POU6F2: variants seen among roughly 807,000 people sequenced by gnomAD.
POU6F2 encodes POU domain, class 6, transcription factor 2.
Under a neutral mutation model 71.3 loss-of-function variants are expected in POU6F2, and 31 were observed. The ratio of observed to expected loss-of-function variants is 0.43; its 90% confidence interval spans 0.33 to 0.59. POU6F2 has a LOEUF of 0.59. POU6F2 is among the 20% of genes least tolerant of loss of function. The pLI is 0.04. For synonymous variants in POU6F2, 347 were observed against 355.7 expected (o/e 0.98, Z 0.27); for missense variants, 783 against 856.8 (o/e 0.91, Z 1.07).
intron 1 of POU6F2, among the ~76,000 whole-genome samples, chr7:39,012,229 A>G (rs1789314660): frequency 1.3e-5 from 2 of 151,916 alleles, no homozygotes; most frequent in African/African-American, 4.8e-5. Context: ...ATTTCTTTTT[A>G]TTCTTTTTTC....
At chr7:39,367,740 A>G (rs533408368) in intron 5 of POU6F2, among the ~76,000 whole-genome samples, 4 of 152,232 alleles carry the variant, frequency 2.6e-5, no homozygotes, top group Non-Finnish European at 5.9e-5. Flanking sequence ...TGCATCTAGC[A>G]TGTCTATCGG....
At chr7:39,305,947 T>C (rs1366438173) in intron 4 of POU6F2, among the ~76,000 whole-genome samples, 4 of 152,216 alleles carry the variant, frequency 2.6e-5, no homozygotes, top group Admixed American at 2.6e-4. Context: ...CTCTGAAATA[T>C]GACTCAATTT....
chr7:39,353,482 T>C (rs185116909), intron 5 of POU6F2, among the ~76,000 whole-genome samples: 1 of 152,364 alleles, frequency 6.6e-6, no homozygotes, highest in East Asian at 1.9e-4. Flanking sequence ...GCTTAATATA[T>C]ACGTATGCAT....
intron 2 of POU6F2, among the ~76,000 whole-genome samples, chr7:39,166,469 T>A (rs1014455514): frequency 2.6e-5 from 4 of 152,162 alleles, no homozygotes; most frequent in Non-Finnish European, 5.9e-5. Flanking sequence ...GAAGTAATGT[T>A]CTCTAAGACA....
At chr7:39,081,738 A>G (rs1584532916) in intron 1 of POU6F2, among the ~76,000 whole-genome samples, 2 of 152,272 alleles carry the variant, frequency 1.3e-5, no homozygotes, top group South Asian at 2.1e-4. Flanking sequence ...AATACTACAC[A>G]CAGTATGTCT....
At chr7:39,213,284 C>G (rs1392679642) in intron 4 of POU6F2, among the ~76,000 whole-genome samples, 1 of 152,158 alleles carries the variant, frequency 6.6e-6, no homozygotes. Flanking sequence ...AAACCTGCCC[C>G]GGTTTTCTCT....
At chr7:39,343,675 G>A (rs2329389) in intron 5 of POU6F2, among the ~76,000 whole-genome samples, 85,685 of 151,852 alleles carry the variant, frequency 0.56, 24,354 homozygotes, top group East Asian at 0.74. Flanking sequence ...GAGGGTAACC[G>A]GAGGGCTTGA....
chr7:38,978,519 A>G (rs1201986610), intron 1 of POU6F2, among the ~76,000 whole-genome samples: 2 of 152,120 alleles, frequency 1.3e-5, no homozygotes, highest in East Asian at 3.9e-4. Flanking sequence ...CATATGGGAA[A>G]TATAAATATA....
chr7:39,086,483 C>T (rs1043234630), intron 2 of POU6F2, among the ~76,000 whole-genome samples: 7 of 152,018 alleles, frequency 4.6e-5, no homozygotes, highest in Non-Finnish European at 8.8e-5. Context: ...CAATACAAGT[C>T]GTGCTATGCC....
At position 39,464,509 on chromosome 7, in the gene POU6F2, T is replaced by C; in HGVS notation, c.1986T>C (p.Ser662=). The stretch of plus-strand genomic sequence containing the variant: ...ACTTTGAGAAGAACACACACCCTTC[T>C]GGGCAGGAAATGACCGAAATTGCTG... ...NAHFEKNTHP[S]GQEMTEIAEK... Residue 662 remains serine, a synonymous_variant, in exon 10 of 10, where the codon TCT becomes TCC. Coordinates refer to ENST00000518318, the MANE Select transcript of POU6F2 (RefSeq NM_001370959.1). This position sits in a 1 kb window ranked among gnomAD's most constrained non-coding sequence, Gnocchi z 4.1. 6.2e-7 allele frequency: 1 copy of C among 1,613,658 alleles called. No individual in the cohort carries two copies. The highest frequency in any genetic ancestry group is 2.2e-5 in the East Asian group (1 of 44,848).
At position 39,433,021 on chromosome 7, in the gene POU6F2, T is replaced by C. The variant is rs1788144726; in HGVS notation, c.1114-56T>C. 5.1e-6 allele frequency: 8 copies of C among 1,564,414 alleles called. No individual in the cohort carries two copies. The Admixed American group carries it at 1.0e-4, about 20-fold the overall frequency. ...AGACCAGGCACTGCATGGTCTTCAGTTGCATGCACAGACCCTTCACCGAGC... is the reference window on the plus strand; with the variant it reads ...AGACCAGGCACTGCATGGTCTTCAGCTGCATGCACAGACCCTTCACCGAGC... On this transcript the variant is annotated intron_variant, in intron 6 of 9. Transcript: ENST00000518318.
intron 4 of POU6F2, among the ~76,000 whole-genome samples, chr7:39,310,248 A>T (rs769097054): frequency 2.0e-5 from 3 of 152,160 alleles, no homozygotes; most frequent in Non-Finnish European, 4.4e-5. Flanking sequence ...TGAATCTAAT[A>T]TTTTTTTGAA....
At chr7:39,332,897 G>A (rs958423113) in intron 4 of POU6F2, among the ~76,000 whole-genome samples, 5 of 152,084 alleles carry the variant, frequency 3.3e-5, no homozygotes, top group African/African-American at 1.2e-4. Context: ...CTTTTTTAGG[G>A]TAGGTGAGAG....
chr7:39,285,824 G>A (rs1784639852), intron 4 of POU6F2, among the ~76,000 whole-genome samples: 1 of 152,174 alleles, frequency 6.6e-6, no homozygotes, highest in Non-Finnish European at 1.5e-5. Context: ...CAGCTCCTCT[G>A]CTTTCTTCCC....
At chr7:38,987,133 C>G (rs1424233646) in intron 1 of POU6F2, among the ~76,000 whole-genome samples, 1 of 152,022 alleles carries the variant, frequency 6.6e-6, no homozygotes, top group Non-Finnish European at 1.5e-5. Flanking sequence ...AATAGTGTCT[C>G]CTGAGAGAAG....
chr7:39,218,914 A>G (rs1794295486), intron 4 of POU6F2, among the ~76,000 whole-genome samples: 1 of 152,156 alleles, frequency 6.6e-6, no homozygotes, highest in Non-Finnish European at 1.5e-5. Flanking sequence ...TATACTAGAG[A>G]AAACCAGTGA....
chr7:39,072,861 A>C (rs962361658), intron 1 of POU6F2, among the ~76,000 whole-genome samples: 1 of 152,254 alleles, frequency 6.6e-6, no homozygotes, highest in Non-Finnish European at 1.5e-5. Context: ...AGTGCTTCCA[A>C]GAGAGGGCAT....
intron 4 of POU6F2, among the ~76,000 whole-genome samples, chr7:39,279,637 T>C (rs1784523281): frequency 6.6e-6 from 1 of 152,244 alleles, no homozygotes; most frequent in Non-Finnish European, 1.5e-5. Flanking sequence ...TTTCAGTGGT[T>C]TGCCAGCAAT....
chr7:39,044,756 G>A (rs1160601162), intron 1 of POU6F2, among the ~76,000 whole-genome samples: 3 of 151,784 alleles, frequency 2.0e-5, no homozygotes, highest in Non-Finnish European at 4.4e-5. Flanking sequence ...GCATTTTTTT[G>A]CAGAAAAAAC....
Sources: allele counts gnomAD v4.1 joint callset (sites outside exome capture counted in the v4.1 genomes callset), GRCh38; gene constraint gnomAD v4.1.1; non-coding constraint Gnocchi (gnomAD v3.1); transcripts MANE v1.5; gene names NCBI Gene and HGNC (gene_info 2026-07-23, HGNC 2026-07-21).